The following ATAD2 variants were observed in gnomAD, a reference collection of about 807,000 sequenced individuals.
ATAD2 encodes ATPase family AAA domain containing 2.
Under a neutral mutation model 168.9 loss-of-function variants are expected in ATAD2, and 62 were observed. That is an observed-to-expected ratio of 0.37 (90% CI 0.30 to 0.45). The LOEUF is 0.45. Ranked by LOEUF, ATAD2 falls within the 20% of genes least tolerant of loss-of-function variation. ATAD2 has a pLI of 1.00. For missense variants in ATAD2, 1,419 were observed against 1,667.8 expected (o/e 0.85, Z 2.60); for synonymous variants, 613 against 571.6 (o/e 1.07, Z -1.03).
At chr8:123,346,356 A>G (rs1341140458) in intron 17 of ATAD2, 84 bp from the exon 18 acceptor site, 3 of 1,312,078 alleles carry the variant, frequency 2.3e-6, no homozygotes, top group Non-Finnish European at 3.1e-6. Flanking sequence ...AAACTTTCAT[A>G]AGTAAAAAGT....
At chr8:123,342,802 A>G (rs531446840) in intron 19 of ATAD2, among the ~76,000 whole-genome samples, 48 of 152,114 alleles carry the variant, frequency 3.2e-4, no homozygotes, top group Admixed American at 9.8e-4. Context: ...TTCCTCCATT[A>G]TCCCTCACTT....
chr8:123,334,173 T>TA, intron 23 of ATAD2, 27 bp downstream of exon 23: 1 of 1,566,396 alleles, frequency 6.4e-7, no homozygotes, highest in Non-Finnish European at 8.6e-7. Context: ...ATTAGGTTGG[T>TA]ACAAATCAAC....
chr8:123,368,104 AT>A (rs1410062925), intron 8 of ATAD2, among the ~76,000 whole-genome samples: 1 of 152,178 alleles, frequency 6.6e-6, no homozygotes, highest in African/African-American at 2.4e-5. Flanking sequence ...ATTCCAATGC[AT>A]TGATGAGGAA....
At chr8:123,383,254 T>A (rs1829543486) in intron 1 of ATAD2, among the ~76,000 whole-genome samples, 1 of 152,060 alleles carries the variant, frequency 6.6e-6, no homozygotes, top group South Asian at 2.1e-4. Flanking sequence ...AGATGACAGG[T>A]TGATGGGTGC....
intron 6 of ATAD2, among the ~76,000 whole-genome samples, chr8:123,370,445 C>T (rs1192436780): frequency 6.6e-6 from 1 of 152,046 alleles, no homozygotes; most frequent in Non-Finnish European, 1.5e-5. Context: ...TTTCACCCAG[C>T]CCATCTGGCT....
Position 123,337,604 on chromosome 8 carries a change from AT to A in ATAD2, c.3051+20del. 1.3e-6 allele frequency: 2 copies of A among 1,566,066 alleles called. No individual in the cohort carries two copies. Among genetic ancestry groups the A allele is most frequent in the East Asian group, 2.2e-5 (1 of 44,468 alleles). On this transcript the variant is annotated intron_variant, in intron 21 of 27. Coordinates refer to ENST00000287394, the MANE Select transcript of ATAD2 (RefSeq NM_014109.4). ...AGCATTATGGCCTAGAATACACTTG[AT>A]CCAAAGATTAAACTAATACCTCATC...
chr8:123,416,168 C>T (rs1253517914), intron 1 of ATAD2: 1 of 152,352 alleles, frequency 6.6e-6, no homozygotes, highest in East Asian at 1.9e-4. Flanking sequence ...CTCCCCTCTT[C>T]TCTGGGCTCC....
At chr8:123,325,105 T>C (rs1827575118) in intron 26 of ATAD2, among the ~76,000 whole-genome samples, 1 of 146,240 alleles carries the variant, frequency 6.8e-6, no homozygotes, top group South Asian at 2.1e-4. Flanking sequence ...AATTCTTTTT[T>C]TTTTTTTTTT....
At chr8:123,348,876 G>C (rs770045264) in intron 14 of ATAD2, among the ~76,000 whole-genome samples, 3 of 152,152 alleles carry the variant, frequency 2.0e-5, no homozygotes, top group Non-Finnish European at 2.9e-5. Context: ...TGCATATTAA[G>C]AGCTGTTTTT....
chr8:123,330,433 C>T (rs769887416), intron 24 of ATAD2, among the ~76,000 whole-genome samples: 3 of 152,044 alleles, frequency 2.0e-5, no homozygotes, highest in Non-Finnish European at 4.4e-5. Context: ...CACCCAGGCT[C>T]GGCTCACTGC....
At position 123,356,264 on chromosome 8, in the gene ATAD2, T is replaced by A. The variant is rs932366575; in HGVS notation, c.1646+125A>T. On this transcript the variant is annotated intron_variant, in intron 13 of 27. Coordinates refer to ENST00000287394, the MANE Select transcript of ATAD2 (RefSeq NM_014109.4). ...ATTTTTGTACTATATACTGGGGTTC[T>A]ACTACCAAAAAAAGGAACTACTAGC... is the stretch of plus-strand genomic sequence containing the variant. 1.9e-5 allele frequency: 13 copies of A among 682,226 alleles called. No homozygotes were observed. The South Asian group carries it at 2.9e-4, about 15-fold the overall frequency. 42.3% of individuals were successfully genotyped at this position (682,226 alleles called of 1,614,324 possible).
chr8:123,369,367 C>T (rs1323229933), intron 7 of ATAD2, 192 bp from the exon 8 acceptor site: 1 of 216,298 alleles, frequency 4.6e-6, no homozygotes, highest in Admixed American at 5.5e-5. Flanking sequence ...CAGAGGGTTG[C>T]AGCTGATAAC....
chr8:123,369,735 C>T, intron 7 of ATAD2, 86 bp downstream of exon 7: 1 of 1,189,350 alleles, frequency 8.4e-7, no homozygotes, highest in South Asian at 1.5e-5. Flanking sequence ...TGAAAAATAC[C>T]AAAAAGACAA....
intron 27 of ATAD2, among the ~76,000 whole-genome samples, chr8:123,322,590 A>G (rs530644667): frequency 2.0e-5 from 3 of 152,058 alleles, no homozygotes; most frequent in African/African-American, 7.2e-5. Flanking sequence ...GATCGCTTGA[A>G]CCTTGGAGGT....
intron 1 of ATAD2, among the ~76,000 whole-genome samples, chr8:123,403,003 G>T (rs1048417240): frequency 6.6e-6 from 1 of 152,162 alleles, no homozygotes; most frequent in African/African-American, 2.4e-5. Flanking sequence ...ATGTGACGAG[G>T]AAAGAGTTGA....
intron 13 of ATAD2, among the ~76,000 whole-genome samples, chr8:123,351,046 AGCTTCATGGATGCTGGC>A (rs1179159590): frequency 6.6e-6 from 1 of 151,986 alleles, no homozygotes; most frequent in Non-Finnish European, 1.5e-5. Flanking sequence ...TAGATCTAGA[AGCTTCATGGATGCTGGC>A]TAAACCATTT....
chr8:123,328,275 A>G lies in ATAD2; in HGVS notation c.3783T>C (p.Cys1261=), dbSNP rs763304471. 1.9e-6 allele frequency: 3 copies of G among 1,577,408 alleles called. No homozygotes were observed. Among genetic ancestry groups the G allele is most frequent in the Admixed American group, 1.8e-5 (1 of 54,234 alleles). Residue 1261 remains cysteine, a synonymous_variant, in exon 25 of 28, where the codon TGT becomes TGC. Transcript: ENST00000287394. ...AAGCAATCTTGTCTCTCAATTCTGT[A>G]CATGCTGTAGTCTTCCTAGAGTCTT... ...ELEDSRKTTA[C]TELRDKIACN...
intron 1 of ATAD2, among the ~76,000 whole-genome samples, chr8:123,408,414 A>G (rs1295197949): frequency 6.6e-6 from 1 of 152,216 alleles, no homozygotes; most frequent in Non-Finnish European, 1.5e-5. Context: ...TTCCTCTGGG[A>G]GGAATGACCC....
At chr8:123,408,604 C>A (rs1813102817) in intron 1 of ATAD2, among the ~76,000 whole-genome samples, 2 of 152,188 alleles carry the variant, frequency 1.3e-5, no homozygotes, top group South Asian at 2.1e-4. Context: ...GAACCCTCCG[C>A]CTCTGGGGTT....
Sources: gnomAD v4.1 joint callset for allele counts (sites outside exome capture counted in the v4.1 genomes callset) on GRCh38, gnomAD v4.1.1 for gene constraint, MANE v1.5 for transcripts, NCBI Gene and HGNC (gene_info 2026-07-23, HGNC 2026-07-21) for gene names.